Variants in MPZL2 observed in about 807,000 individuals in gnomAD.
The protein encoded by MPZL2 is myelin protein zero-like protein 2.
A neutral mutation model predicts 24.5 loss-of-function variants in MPZL2; 32 were observed. The observed-to-expected ratio is 1.31, with a 90% CI of 0.99 to 1.76. The LOEUF (loss-of-function observed/expected upper bound fraction) is 1.76. MPZL2 is among the 40% of genes most tolerant of loss of function. The pLI is 0.00. For missense variants in MPZL2, 304 were observed against 274.9 expected, an observed-to-expected ratio of 1.11 and a Z score of -0.75; for synonymous variants, 92 against 97.9, an observed-to-expected ratio of 0.94 and a Z score of 0.36.
At chr11:118,256,165 A>C (rs962395894) in intron 5 of MPZL2, among the ~76,000 whole-genome samples, 2 of 152,112 alleles carry the variant, frequency 1.3e-5, no homozygotes. Flanking sequence ...TAAAAATGTG[A>C]CCCTCTTTGC....
Position 118,260,129 on chromosome 11 carries a change from A to G in MPZL2, c.509T>C (p.Ile170Thr). ...GTAATGCTGGAAGAGGACCACTACAATTACTATTATGATCATCAGTGCACA... is the reference window on the plus strand; with the variant it reads ...GTAATGCTGGAAGAGGACCACTACAGTTACTATTATGATCATCAGTGCACA... ...SACALMIIIV[I>T]VVVLFQHYRK... Residue 170 changes from isoleucine to threonine, a missense_variant, in exon 4 of 6, where the codon ATT becomes ACT. Physicochemically the swap from Ile to Thr is moderately conservative, Grantham distance 89. Coordinates refer to ENST00000278937, the MANE Select transcript of MPZL2 (RefSeq NM_005797.4). The G allele has an allele frequency of 6.2e-7, 1 of 1,614,114 alleles. No homozygotes were observed. Among genetic ancestry groups the G allele is most frequent in the South Asian group, 1.1e-5 (1 of 91,084 alleles).
rs1434260110 is a variant in MPZL2 at position 118,253,475 on chromosome 11, T to TA, written c.*1770dup. ...TATTTACATAGTGTTTAAAGCATAA[T>TA]AAAAAATAAATTACAATACAAAAGT... On this transcript the variant is annotated 3_prime_UTR_variant, in exon 6 of 6. Transcript: ENST00000278937. 2 of 152,260 alleles carry TA rather than the reference T, an allele frequency of 1.3e-5. No homozygotes were observed. Among genetic ancestry groups the TA allele is most frequent in the Admixed American group, 6.5e-5 (1 of 15,294 alleles). The allele number at this position is 152,260 out of a possible 1,614,324, so 9.4% of individuals were successfully genotyped here.
Position 118,264,201 on chromosome 11 carries a change from G to A in MPZL2, c.-48C>T. 1 of 1,594,992 alleles carries A rather than the reference G, an allele frequency of 6.3e-7. No individual in the cohort carries two copies. The highest frequency in any genetic ancestry group is 8.6e-7 in the Non-Finnish European group (1 of 1,163,106). On this transcript the variant is annotated 5_prime_UTR_variant, in exon 1 of 6. Transcript: ENST00000278937. Reference sequence around the variant, plus strand: ...CAGAGACCGGACGGGGCAGACCGAGGGCTCCAACACCCTGCCAAGGCCACT... The same window carrying A: ...CAGAGACCGGACGGGGCAGACCGAGAGCTCCAACACCCTGCCAAGGCCACT...
At chr11:118,257,684 A>C (rs1273730147) in intron 4 of MPZL2, 1 of 160,474 alleles carries the variant, frequency 6.2e-6, no homozygotes, top group South Asian at 1.9e-4. Context: ...TTCAAACTAG[A>C]ACCTCAGAGT....
intron 3 of MPZL2, 65 bp downstream of exon 3, chr11:118,262,373 G>A: frequency 6.6e-7 from 1 of 1,516,644 alleles, no homozygotes; most frequent in African/African-American, 1.4e-5. Context: ...CCTTAACAAA[G>A]ATTGCCCCTT....
At chr11:118,264,008 A>G in intron 1 of MPZL2, 88 bp downstream of exon 1, 2 of 1,398,838 alleles carry the variant, frequency 1.4e-6, no homozygotes, top group South Asian at 1.2e-5. Flanking sequence ...CTCCCAAACA[A>G]AAGTCTTGCA....
chr11:118,262,825 C>T (rs1949710562), intron 2 of MPZL2, 106 bp downstream of exon 2: 4 of 1,454,040 alleles, frequency 2.8e-6, no homozygotes, highest in Admixed American at 3.7e-5. Context: ...CCGAGCTTAA[C>T]CTTGTGCTTG....
rs1949651703 is a variant in MPZL2, at chr11:118,254,802, T to C, written c.*444A>G. 6.6e-6 allele frequency: 1 copy of C among 152,176 alleles called. No individual in the cohort carries two copies. The highest frequency in any genetic ancestry group is 1.5e-5 in the Non-Finnish European group (1 of 68,030). The allele number at this position is 152,176 out of a possible 1,614,324, so 9.4% of individuals were successfully genotyped here. On this transcript the variant is annotated 3_prime_UTR_variant, in exon 6 of 6. Coordinates refer to ENST00000278937, the MANE Select transcript of MPZL2 (RefSeq NM_005797.4). ...CGAGGAGGCTTAGCTCACCTTTTAA[T>C]TGAGAATGTGGGAAGGAAAGAGAGT... is the stretch of plus-strand genomic sequence containing the variant.
intron 5 of MPZL2, among the ~76,000 whole-genome samples, chr11:118,256,199 TG>T (rs1565499446): frequency 1.3e-5 from 2 of 152,296 alleles, no homozygotes; most frequent in South Asian, 4.1e-4. Flanking sequence ...CTGTAAAAAA[TG>T]TTCTCCCGTG....
chr11:118,263,026 G>C lies in MPZL2; in HGVS notation c.130C>G (p.Arg44Gly), dbSNP rs200170353. Residue 44 changes from arginine to glycine, a missense_variant, in exon 2 of 6, where the codon CGG (arginine) becomes GGG (glycine). By Grantham distance (125) the Arg-to-Gly change is moderately radical. Coordinates refer to ENST00000278937, the MANE Select transcript of MPZL2 (RefSeq NM_005797.4). ...VLEAVNGTDA[R>G]LKCTFSSFAP... is the part of the protein sequence containing the mutation. ...AAGCTGGAGAAAGTGCATTTTAACC[G>C]AGCATCTGTCCCATTAACAGCCTCC... 3.1e-6 allele frequency: 5 copies of C among 1,614,008 alleles called. No individual in the cohort carries two copies. The highest frequency in any genetic ancestry group is 3.3e-5 in the Admixed American group (2 of 59,996).
chr11:118,261,439 T>C (rs919403275), intron 3 of MPZL2, among the ~76,000 whole-genome samples: 1 of 152,242 alleles, frequency 6.6e-6, no homozygotes, highest in African/African-American at 2.4e-5. Context: ...TATTCATTTC[T>C]TGAGTTCTTA....
intron 4 of MPZL2, among the ~76,000 whole-genome samples, chr11:118,257,860 A>T (rs56128013): frequency 0.57 from 85,921 of 151,454 alleles, 24,808 homozygotes; most frequent in South Asian, 0.74. Flanking sequence ...AAAATACAAA[A>T]TTAGCTGGGC....
intron 4 of MPZL2, among the ~76,000 whole-genome samples, chr11:118,258,335 T>C (rs555072117): frequency 6.6e-6 from 1 of 152,200 alleles, no homozygotes; most frequent in South Asian, 2.1e-4. Flanking sequence ...ATGAAGAACA[T>C]GAAAAGACAA....
At chr11:118,257,426 G>T in intron 4 of MPZL2, 113 bp from the exon 5 acceptor site, 1 of 780,188 alleles carries the variant, frequency 1.3e-6, no homozygotes, top group Admixed American at 2.3e-5. Context: ...AGAATTACAT[G>T]CACTTGGGAG....
intron 4 of MPZL2, chr11:118,259,167 A>C (rs760852494): frequency 7.3e-6 from 1 of 137,140 alleles, no homozygotes; most frequent in Admixed American, 7.3e-5. Context: ...CAACAATTCC[A>C]CTTTTAGGAG....
At chr11:118,260,229 A>G in intron 3 of MPZL2, 28 bp from the exon 4 acceptor site, 1 of 1,605,320 alleles carries the variant, frequency 6.2e-7, no homozygotes, top group Non-Finnish European at 8.5e-7. Flanking sequence ...TTAAATTAGG[A>G]TTCTAAAAAG....
At chr11:118,255,653 CCTT>C (rs1349344091) in intron 5 of MPZL2, among the ~76,000 whole-genome samples, 1 of 130,562 alleles carries the variant, frequency 7.7e-6, no homozygotes, top group Admixed American at 7.4e-5. Context: ...AATTCTGAAG[CCTT>C]TTTTGTTTTA....
At chr11:118,263,174 TA>T in intron 1 of MPZL2, 77 bp from the exon 2 acceptor site, 1 of 1,424,750 alleles carries the variant, frequency 7.0e-7, no homozygotes, top group Non-Finnish European at 9.6e-7. Context: ...ACTTCCAAAA[TA>T]AATATCTGAG....
At chr11:118,262,888 C>T in intron 2 of MPZL2, 43 bp downstream of exon 2, 1 of 1,594,976 alleles carries the variant, frequency 6.3e-7, no homozygotes, top group Non-Finnish European at 8.6e-7. Context: ...CTTATTATTT[C>T]CCTAAACAAG....
Sources: allele counts gnomAD v4.1 joint callset (sites outside exome capture counted in the v4.1 genomes callset), GRCh38; gene constraint gnomAD v4.1.1; transcripts MANE v1.5; gene names NCBI Gene and HGNC (gene_info 2026-07-23, HGNC 2026-07-21).